GFRA1: variants seen among roughly 807,000 people sequenced by gnomAD.
GFRA1 encodes the protein GDNF family receptor alpha-1.
In GFRA1, 16 loss-of-function variants were observed where a neutral mutation model predicts 51.6. The ratio of observed to expected loss-of-function variants is 0.31; its 90% CI spans 0.21 to 0.47. The LOEUF is 0.47. GFRA1 is among the 20% of genes least tolerant of loss of function. GFRA1 has a pLI of 1.00. For missense variants in GFRA1, 530 were observed against 594.3 expected (o/e 0.89, Z 1.13); for synonymous variants, 270 against 241.3 (o/e 1.12, Z -1.10).
At chr10:116,179,274 T>C (rs776212335) in intron 5 of GFRA1, among the ~76,000 whole-genome samples, 3 of 152,232 alleles carry the variant, frequency 2.0e-5, no homozygotes, top group Non-Finnish European at 2.9e-5. Flanking sequence ...ACGAGGTAAG[T>C]ACTTTCATCA....
intron 6 of GFRA1, among the ~76,000 whole-genome samples, chr10:116,123,567 G>C (rs1435265876): frequency 6.6e-6 from 1 of 152,190 alleles, no homozygotes; most frequent in Non-Finnish European, 1.5e-5. Context: ...CAGAAACTCA[G>C]AATCTTCAAC....
chr10:116,135,845 AAGAC>A (rs1958300971), intron 5 of GFRA1, among the ~76,000 whole-genome samples: 1 of 152,152 alleles, frequency 6.6e-6, no homozygotes, highest in African/African-American at 2.4e-5. Flanking sequence ...TAGTCAGTCT[AAGAC>A]AGGCCATTTT....
intron 4 of GFRA1, chr10:116,226,844 C>A: frequency 3.1e-6 from 1 of 325,206 alleles, no homozygotes; most frequent in Non-Finnish European, 6.2e-6. Context: ...GTATTAGATT[C>A]TCATAAGGAG....
chr10:116,191,523 T>C (rs1963264914), intron 5 of GFRA1, among the ~76,000 whole-genome samples: 1 of 152,234 alleles, frequency 6.6e-6, no homozygotes, highest in Non-Finnish European at 1.5e-5. Context: ...GACTTAATTG[T>C]AACTCTACCT....
intron 4 of GFRA1, among the ~76,000 whole-genome samples, chr10:116,254,506 A>G (rs548196714): frequency 5.0e-5 from 6 of 119,582 alleles, no homozygotes; most frequent in African/African-American, 2.5e-4. Context: ...CCCTGACTCT[A>G]TTAAAAAAAA....
intron 8 of GFRA1, among the ~76,000 whole-genome samples, chr10:116,092,096 T>TACACACACACACACACACAC (rs58442181): frequency 4.3e-4 from 59 of 138,192 alleles, no homozygotes; most frequent in Middle Eastern, 7.2e-3. Flanking sequence ...CATACATACG[T>TACACACACACACACACACAC]ACACACACAC....
chr10:116,088,758 A>C (rs1956203720), intron 9 of GFRA1, among the ~76,000 whole-genome samples: 1 of 151,864 alleles, frequency 6.6e-6, no homozygotes, highest in Non-Finnish European at 1.5e-5. Flanking sequence ...GTCTCTACCA[A>C]AAAATACAAA....
chr10:116,073,674 G>C (rs1277944752), intron 9 of GFRA1, among the ~76,000 whole-genome samples: 4 of 152,170 alleles, frequency 2.6e-5, no homozygotes, highest in African/African-American at 9.7e-5. Context: ...AAATGTGCAA[G>C]AGCAACAGAA....
At chr10:116,255,764 T>G in intron 4 of GFRA1, 1 of 1,286,228 alleles carries the variant, frequency 7.8e-7, no homozygotes, top group Non-Finnish European at 1.0e-6. Context: ...CTGCACTTTC[T>G]GGCCCACCAC....
intron 4 of GFRA1, among the ~76,000 whole-genome samples, chr10:116,260,502 G>C (rs1326609918): frequency 6.6e-6 from 1 of 152,136 alleles, no homozygotes; most frequent in African/African-American, 2.4e-5. Context: ...TCCTCCTGTG[G>C]CTGGAGAGCT....
At chr10:116,241,804 A>G (rs886225894) in intron 4 of GFRA1, among the ~76,000 whole-genome samples, 1 of 152,226 alleles carries the variant, frequency 6.6e-6, no homozygotes, top group Non-Finnish European at 1.5e-5. Flanking sequence ...CACTAAATGC[A>G]GAAGGAAGTT....
chr10:116,186,140 T>G (rs7903297), intron 5 of GFRA1, among the ~76,000 whole-genome samples: 84,022 of 151,984 alleles, frequency 0.55, 23,282 homozygotes, highest in Middle Eastern at 0.61. Context: ...GGGCCCAGAG[T>G]GGCAGCACAG....
At chr10:116,258,445 T>A (rs918794094) in intron 4 of GFRA1, among the ~76,000 whole-genome samples, 36 of 147,852 alleles carry the variant, frequency 2.4e-4, no homozygotes, top group African/African-American at 8.3e-4. Flanking sequence ...ATAAAATATA[T>A]AATATATAAT....
chr10:116,060,676 G>A lies in GFRA1; in HGVS notation c.*3722C>T, dbSNP rs112331605. 6.6e-6 allele frequency: 1 copy of A among 152,180 alleles called. No individual in the cohort carries two copies. The highest frequency in any genetic ancestry group is 1.5e-5 in the Non-Finnish European group (1 of 68,044). The allele number at this position is 152,180 out of a possible 1,614,324, so 9.4% of individuals were successfully genotyped here. A position where few individuals can be genotyped will look rare whatever the true frequency, so the allele number is the denominator to read the frequency against. ...GTCTGATGTGCTTTATCAAAGAACA[G>A]AGGCAAGAGCAAGACAGATCATGGG... On this transcript the variant is annotated 3_prime_UTR_variant, in exon 11 of 11. Transcript: ENST00000355422.
intron 5 of GFRA1, among the ~76,000 whole-genome samples, chr10:116,171,345 G>A (rs374466369): frequency 1.2e-4 from 19 of 152,256 alleles, no homozygotes; most frequent in African/African-American, 4.6e-4. Context: ...TTATCAAACA[G>A]ACGCTAAACT....
intron 4 of GFRA1, among the ~76,000 whole-genome samples, chr10:116,223,543 C>T (rs1380153839): frequency 3.3e-5 from 5 of 152,178 alleles, no homozygotes. Context: ...GGCAGGACCG[C>T]ACACTGGGCT....
intron 4 of GFRA1, among the ~76,000 whole-genome samples, chr10:116,257,737 T>A (rs1044569636): frequency 2.0e-4 from 31 of 152,190 alleles, no homozygotes; most frequent in African/African-American, 6.5e-4. Flanking sequence ...AAATGGCAAT[T>A]TCATGCGATT....
At chr10:116,262,081 G>C (rs751924531) in intron 4 of GFRA1, among the ~76,000 whole-genome samples, 5 of 152,106 alleles carry the variant, frequency 3.3e-5, no homozygotes, top group African/African-American at 4.8e-5. Context: ...AACAAGCTTC[G>C]ACAGCAGAAA....
At chr10:116,248,158 G>T (rs906932795) in intron 4 of GFRA1, among the ~76,000 whole-genome samples, 2 of 152,114 alleles carry the variant, frequency 1.3e-5, no homozygotes, top group Non-Finnish European at 2.9e-5. Flanking sequence ...CTGTGGCCCC[G>T]AACTTCTTGC....
Sources: gnomAD v4.1 joint callset for allele counts (sites outside exome capture counted in the v4.1 genomes callset) on GRCh38, gnomAD v4.1.1 for gene constraint, MANE v1.5 for transcripts, NCBI Gene and HGNC (gene_info 2026-07-23, HGNC 2026-07-21) for gene names.